The following RTF1 variants were observed in gnomAD, a reference collection of about 807,000 sequenced individuals.
The protein encoded by RTF1 is RNA polymerase-associated protein RTF1 homolog.
RTF1 carries 10 observed loss-of-function variants against 95.7 expected under a neutral mutation model. That is an observed-to-expected ratio of 0.10 (90% CI 0.06 to 0.18). The LOEUF (loss-of-function observed/expected upper bound fraction) is 0.18, where lower values mean the gene tolerates loss of function less well. Among genes scored for constraint, RTF1 ranks in the 10% least tolerant of loss-of-function variants. The probability of loss-of-function intolerance (pLI) is 1.00; values close to 1 mark genes in which losing one functional copy is unlikely to be tolerated. For synonymous variants in RTF1, 305 were observed against 311.8 expected (o/e 0.98, Z 0.23); for missense variants, 458 against 875.6 (o/e 0.52, Z 6.02).
chr15:41,440,564 A>G (rs575409059), intron 2 of RTF1, among the ~76,000 whole-genome samples: 4 of 143,146 alleles, frequency 2.8e-5, no homozygotes, highest in South Asian at 2.2e-4. Flanking sequence ...ATCTCAGCTC[A>G]CTGCAACCTC....
intron 1 of RTF1, among the ~76,000 whole-genome samples, chr15:41,422,415 A>G (rs1406000876): frequency 6.6e-6 from 1 of 152,226 alleles, no homozygotes; most frequent in Admixed American, 6.5e-5. Context: ...TTTAAATTTC[A>G]AGATACTTGC....
At chr15:41,479,272 T>G in intron 16 of RTF1, 74 bp downstream of exon 16, 1 of 1,042,910 alleles carries the variant, frequency 9.6e-7, no homozygotes. Context: ...CCTTGTCTAG[T>G]TTGGGCTTGA....
chr15:41,449,558 G>T (rs761631640), intron 2 of RTF1, among the ~76,000 whole-genome samples: 26 of 151,884 alleles, frequency 1.7e-4, no homozygotes, highest in Non-Finnish European at 3.1e-4. Flanking sequence ...TCACAGGGTG[G>T]TCTCCAACTC....
chr15:41,473,198 A>G (rs967236684), intron 8 of RTF1, among the ~76,000 whole-genome samples: 1 of 151,358 alleles, frequency 6.6e-6, no homozygotes, highest in Non-Finnish European at 1.5e-5. Flanking sequence ...CAGTGGCGCG[A>G]TCTTGGCTTA....
At chr15:41,431,656 C>G (rs1467573504) in intron 1 of RTF1, among the ~76,000 whole-genome samples, 1 of 152,166 alleles carries the variant, frequency 6.6e-6, no homozygotes, top group Non-Finnish European at 1.5e-5. Flanking sequence ...TGCCACCACA[C>G]CTGGCTGAGT....
At chr15:41,468,341 G>A (rs111624454) in intron 6 of RTF1, among the ~76,000 whole-genome samples, 4,115 of 148,994 alleles carry the variant, frequency 0.028, 111 homozygotes, top group Middle Eastern at 0.078. Context: ...TTTTTGAGAC[G>A]GAGTCTCGCT....
chr15:41,425,846 G>A lies in RTF1; in HGVS notation c.198+8533G>A, dbSNP rs145939200. 6.0e-4 allele frequency among the ~76,000 whole-genome samples: 92 copies of A among 152,310 alleles called. 1 individual carries two copies. The East Asian group carries it at 0.017, about 28-fold the overall frequency. On this transcript the variant is annotated intron_variant, in intron 1 of 17. Transcript: ENST00000389629. Reference sequence around the variant, plus strand: ...GTTAGGATGAGAAGAGGAGTATTTAGGATTGATGCCAGGCACTGGCATGAG... The same window carrying A: ...GTTAGGATGAGAAGAGGAGTATTTAAGATTGATGCCAGGCACTGGCATGAG...
intron 2 of RTF1, among the ~76,000 whole-genome samples, chr15:41,441,448 AACAC>A (rs1225561760): frequency 9.9e-5 from 15 of 152,270 alleles, no homozygotes; most frequent in Admixed American, 7.2e-4. Context: ...GTCTGCTTGG[AACAC>A]ATTCATTCTC....
chr15:41,450,584 C>CA (rs35822176), intron 2 of RTF1, among the ~76,000 whole-genome samples: 839 of 72,210 alleles, frequency 0.012, 3 homozygotes, highest in African/African-American at 0.028. Flanking sequence ...GACTCCGTCT[C>CA]AAAAAAAAAA....
intron 2 of RTF1, among the ~76,000 whole-genome samples, chr15:41,442,772 G>T (rs1486005974): frequency 2.0e-5 from 3 of 152,088 alleles, no homozygotes. Context: ...TGTAGTCCTA[G>T]CTACTCGGGA....
chr15:41,441,908 A>T (rs546446453), intron 2 of RTF1, among the ~76,000 whole-genome samples: 1 of 152,122 alleles, frequency 6.6e-6, no homozygotes, highest in Admixed American at 6.6e-5. Flanking sequence ...TTCTGTTTCC[A>T]TCATGTCTCT....
chr15:41,426,705 GCC>G (rs1566835758), intron 1 of RTF1, among the ~76,000 whole-genome samples: 2 of 3,840 alleles, frequency 5.2e-4, no homozygotes, highest in African/African-American at 6.6e-4. Context: ...CCCCCCCCCC[GCC>G]CCCCCCCCCC....
intron 14 of RTF1, among the ~76,000 whole-genome samples, chr15:41,478,247 A>G (rs2050952083): frequency 6.6e-6 from 1 of 152,058 alleles, no homozygotes; most frequent in Admixed American, 6.6e-5. Context: ...CTAAAAATAC[A>G]AAAATTAGCT....
chr15:41,450,661 G>C (rs928888933), intron 2 of RTF1, among the ~76,000 whole-genome samples: 1 of 149,586 alleles, frequency 6.7e-6, no homozygotes, highest in African/African-American at 2.5e-5. Flanking sequence ...TAAAAGGGAA[G>C]CATTAGGGCT....
chr15:41,446,936 G>A (rs554205747), intron 2 of RTF1, among the ~76,000 whole-genome samples: 1 of 151,854 alleles, frequency 6.6e-6, no homozygotes, highest in African/African-American at 2.4e-5. Context: ...CTGAGTAACT[G>A]GGATTATAGG....
intron 8 of RTF1, among the ~76,000 whole-genome samples, chr15:41,473,993 T>C (rs1022527894): frequency 2.0e-5 from 3 of 151,828 alleles, no homozygotes; most frequent in Admixed American, 6.6e-5. Context: ...GCCAAAATCA[T>C]GCCATTGCAC....
chr15:41,477,315 C>G (rs764442547), intron 13 of RTF1, 29 bp downstream of exon 13: 1 of 1,614,040 alleles, frequency 6.2e-7, no homozygotes, highest in African/African-American at 1.3e-5. Context: ...TTTTGGCCCG[C>G]AGACCTTGGC....
chr15:41,461,506 T>C (rs2050848525), intron 4 of RTF1, among the ~76,000 whole-genome samples: 1 of 149,688 alleles, frequency 6.7e-6, no homozygotes, highest in Non-Finnish European at 1.5e-5. Flanking sequence ...TCTTTTTTTT[T>C]TTTTGAGACT....
intron 14 of RTF1, 134 bp downstream of exon 14, chr15:41,477,649 ATGTCCACGTAC>A: frequency 1.4e-6 from 1 of 734,294 alleles, no homozygotes; most frequent in Non-Finnish European, 2.4e-6. Context: ...CTCTCTCTGT[ATGTCCACGTAC>A]ATCGATATAA....
Sources: gnomAD v4.1 joint callset for allele counts (sites outside exome capture counted in the v4.1 genomes callset) on GRCh38, gnomAD v4.1.1 for gene constraint, MANE v1.5 for transcripts, NCBI Gene and HGNC (gene_info 2026-07-23, HGNC 2026-07-21) for gene names.